The following LAMB1 variants were observed in gnomAD, a reference collection of about 807,000 sequenced individuals.
The protein encoded by LAMB1 is laminin subunit beta 1.
LAMB1 carries 121 observed loss-of-function variants against 222.3 expected under a neutral mutation model. That is an observed-to-expected ratio of 0.54 (90% confidence interval 0.47 to 0.63). The LOEUF (loss-of-function observed/expected upper bound fraction) is 0.63, where lower values mean the gene tolerates loss of function less well. LAMB1 is among the 30% of genes least tolerant of loss of function. The pLI, the probability that LAMB1 is intolerant of heterozygous loss-of-function variation, is 0.00. For missense variants in LAMB1, 2,172 were observed against 2,240.8 expected, an observed-to-expected ratio of 0.97 and a Z score of 0.62; for synonymous variants, 794 against 807.2, an observed-to-expected ratio of 0.98 and a Z score of 0.28.
At position 107,986,392 on chromosome 7, in the gene LAMB1, A is replaced by G. The variant is rs561282527; in HGVS notation, c.424-29T>C. The G allele has an allele frequency of 5.7e-5, 88 of 1,545,682 alleles. 1 individual carries two copies. The South Asian group carries it at 1.0e-3, about 18-fold the overall frequency. On this transcript the variant is annotated intron_variant, in intron 5 of 33. Transcript: ENST00000222399. Reference sequence around the variant, plus strand: ...AAGGCAGGAGCAAAAATCTCATTTGATGTTTTTTATTGGTAGTCTCTACTT... The same window carrying G: ...AAGGCAGGAGCAAAAATCTCATTTGGTGTTTTTTATTGGTAGTCTCTACTT...
rs955928154 is a variant in LAMB1, at chr7:107,966,638, T to C, written c.1563-1951A>G. Among the ~76,000 whole-genome samples, 16 of 152,200 alleles carry C rather than the reference T, an allele frequency of 1.1e-4. 1 individual carries two copies. Among genetic ancestry groups the C allele is most frequent in the Admixed American group, 2.0e-4 (3 of 15,278 alleles). ...TTTCAGAAATTCAGGCATCAGACAT[T>C]ACATCATATGGACAAAAGAAAATTC... On this transcript the variant is annotated intron_variant, in intron 13 of 33. Coordinates refer to ENST00000222399, the MANE Select transcript of LAMB1 (RefSeq NM_002291.3).
At chr7:107,936,837 A>T (rs2116342493) in intron 26 of LAMB1, among the ~76,000 whole-genome samples, 1 of 151,606 alleles carries the variant, frequency 6.6e-6, no homozygotes, top group Non-Finnish European at 1.5e-5. Context: ...AAAAAAAATC[A>T]GGAAATGGAT....
chr7:107,999,760 TTGC>T lies in LAMB1; in HGVS notation c.214-1271_214-1269del, dbSNP rs1467990068. The T allele has an allele frequency of 2.9e-5, 4 of 138,076 alleles. No individual in the cohort carries two copies. The South Asian group carries it at 9.8e-4, about 34-fold the overall frequency. 8.6% of individuals were successfully genotyped at this position (138,076 alleles called of 1,614,324 possible). A position where few individuals can be genotyped will look rare whatever the true frequency, so the allele number is the denominator to read the frequency against. Reference sequence around the variant, plus strand: ...TATATACCAGAGAGCCTGGCTCCAGTTGCTTTTTTTTTTTTTTTTTTTTAAGGG... The same window carrying T: ...TATATACCAGAGAGCCTGGCTCCAGTTTTTTTTTTTTTTTTTTTTTAAGGG... On this transcript the variant is annotated intron_variant, in intron 3 of 33. Transcript: ENST00000222399.
Position 107,975,782 on chromosome 7 carries a change from G to A in LAMB1, c.1096C>T (p.Gln366Ter). 1 of 1,614,030 alleles carries A rather than the reference G, an allele frequency of 6.2e-7. No homozygotes were observed. Among genetic ancestry groups the A allele is most frequent in the Non-Finnish European group, 8.5e-7 (1 of 1,180,000 alleles). ...NVSGGVCDDC[Q>*]HNTMGRNCEQ... ...CAGTTGCGCCCCATGGTGTTGTGCTGACAGTCATCACACACGCCTCCGCTG... is the reference window on the plus strand; with the variant it reads ...CAGTTGCGCCCCATGGTGTTGTGCTAACAGTCATCACACACGCCTCCGCTG... Residue 366 changes from glutamine (Q) to a stop codon, truncating the protein, a stop_gained, in exon 10 of 34, where the codon CAG becomes TAG. Transcript: ENST00000222399. LOFTEE classifies it high-confidence loss of function.
intron 24 of LAMB1, among the ~76,000 whole-genome samples, chr7:107,945,556 A>G (rs2033097157): frequency 6.6e-6 from 1 of 152,218 alleles, no homozygotes; most frequent in Non-Finnish European, 1.5e-5. Context: ...AGCTTGGATG[A>G]TAATTTCCTC....
intron 25 of LAMB1, among the ~76,000 whole-genome samples, chr7:107,938,560 A>G (rs2032904654): frequency 6.6e-6 from 1 of 152,190 alleles, no homozygotes; most frequent in African/African-American, 2.4e-5. Flanking sequence ...GTCTAGTTAA[A>G]TGAATAGTGA....
intron 4 of LAMB1, among the ~76,000 whole-genome samples, chr7:107,995,332 C>G (rs2150453460): frequency 6.6e-6 from 1 of 152,344 alleles, no homozygotes; most frequent in Non-Finnish European, 1.5e-5. Context: ...AAGGGAGGGG[C>G]ACTTCCTGTG....
chr7:107,927,703 C>T (rs143243507), intron 31 of LAMB1, among the ~76,000 whole-genome samples: 3 of 152,036 alleles, frequency 2.0e-5, no homozygotes, highest in East Asian at 1.9e-4. Flanking sequence ...ACCTAGAGAT[C>T]GAAACATCAA....
rs1324312104 is a variant in LAMB1 at position 107,952,091 on chromosome 7, T to C, written c.3212A>G (p.Asn1071Ser). The C allele has an allele frequency of 1.2e-6, 2 of 1,614,142 alleles. No individual in the cohort carries two copies. Among genetic ancestry groups the C allele is most frequent in the Admixed American group, 3.3e-5 (2 of 60,024 alleles). ...IGQNCDRCAP[N>S]TWQLASGTGC... ...AGTGCCACTGGCCAGCTGCCAGGTATTGGGCGCACAGCGGTCACAGTTCTG... is the reference window on the plus strand; with the variant it reads ...AGTGCCACTGGCCAGCTGCCAGGTACTGGGCGCACAGCGGTCACAGTTCTG... The change falls in exon 23 of 34, where the codon AAT becomes AGT. Residue 1071 changes from asparagine to serine, a missense_variant. Transcript: ENST00000222399.
Position 107,945,098 on chromosome 7 carries a change from G to A in LAMB1, c.3392-4740C>T, listed in dbSNP as rs1023900381. Among the ~76,000 whole-genome samples the A allele has an allele frequency of 1.2e-4, 19 of 152,306 alleles. No homozygotes were observed. In the East Asian group the frequency reaches 3.7e-3, roughly 29 times the overall value. ...AGATGAAGAATAGTATTTTTTAAATGAGATACTCATTTTAACAAGCCATAA... is the reference window on the plus strand; with the variant it reads ...AGATGAAGAATAGTATTTTTTAAATAAGATACTCATTTTAACAAGCCATAA... On this transcript the variant is annotated intron_variant, in intron 24 of 33. Transcript: ENST00000222399.
In LAMB1 at chr7:108,001,700, G is replaced by A; in HGVS notation, c.71C>T (p.Pro24Leu). The A allele has an allele frequency of 6.2e-7, 1 of 1,612,922 alleles. No homozygotes were observed. ...TTCTGCGCAGCCGTAGCTGAACTCG[G>A]GTTCCTGAGCGCGCACTCGGGCTCT... ...LCRARVRAQE[P>L]EFSYGCAEGS... is the part of the protein sequence containing the mutation. The change falls in exon 3 of 34, where the codon CCC (proline) becomes CTC (leucine). Residue 24 changes from proline to leucine, a missense_variant. Coordinates refer to ENST00000222399, the MANE Select transcript of LAMB1 (RefSeq NM_002291.3).
Position 108,001,547 on chromosome 7 carries a change from T to C in LAMB1, c.213+11A>G. The C allele has an allele frequency of 6.3e-7, 1 of 1,586,218 alleles. No individual in the cohort carries two copies. Among genetic ancestry groups the C allele is most frequent in the Non-Finnish European group, 8.6e-7 (1 of 1,161,346 alleles). On this transcript the variant is annotated intron_variant, in intron 3 of 33. Transcript: ENST00000222399. ...GCTAGCAGAGCCTCGAACCCCGCTC[T>C]CAGCCCTCACCTGCAAGTGGCTGAC...
rs1198142249 is a variant in LAMB1, at chr7:107,931,355, C to T, written c.4537+1G>A. 7 of 1,599,094 alleles carry T rather than the reference C, an allele frequency of 4.4e-6. No individual in the cohort carries two copies. The highest frequency in any genetic ancestry group is 1.7e-5 in the Admixed American group (1 of 58,542). Reference sequence around the variant, plus strand: ...AAAAGTAAAATGAAAAAATTTCTTACGGGTCAAAAAGTTTCTGATTTGCTT... The same window carrying T: ...AAAAGTAAAATGAAAAAATTTCTTATGGGTCAAAAAGTTTCTGATTTGCTT... On this transcript the variant is annotated splice_donor_variant, in intron 29 of 33. Transcript: ENST00000222399. LOFTEE classifies it high-confidence loss of function.
intron 28 of LAMB1, chr7:107,931,788 G>A: frequency 2.1e-6 from 1 of 475,188 alleles, no homozygotes; most frequent in Non-Finnish European, 3.7e-6. Flanking sequence ...TTTCTCAGGT[G>A]CCCACATAAA....
intron 31 of LAMB1, among the ~76,000 whole-genome samples, chr7:107,928,479 G>C (rs2032620910): frequency 6.6e-6 from 1 of 150,868 alleles, no homozygotes; most frequent in Admixed American, 6.6e-5. Context: ...AGTATATGCT[G>C]TTTCCTCAAT....
At chr7:107,980,210 G>GA (rs772170683) in intron 8 of LAMB1, among the ~76,000 whole-genome samples, 1,949 of 130,596 alleles carry the variant, frequency 0.015, 21 homozygotes, top group African/African-American at 0.036. Flanking sequence ...TCTGTCTCAA[G>GA]AAAAAAAAAA....
At position 107,924,253 on chromosome 7, in the gene LAMB1, T is replaced by G. The variant is rs745989012; in HGVS notation, c.5201A>C (p.Asn1734Thr). ...ACCTTTGAGCAGTTGCAGCTTGCTA[T>G]TTGCTTGAGCTAAAAGAGTTTTTGC... ...NEAKTLLAQA[N>T]SKLQLLKDLE... Residue 1734 changes from asparagine (N) to threonine (T), a missense_variant, in exon 33 of 34, where the codon AAT (asparagine) becomes ACT (threonine). Physicochemically the swap from Asn to Thr is moderately conservative, Grantham distance 65 (BLOSUM62 0). Coordinates refer to ENST00000222399, the MANE Select transcript of LAMB1 (RefSeq NM_002291.3). The G allele has an allele frequency of 4.6e-5, 74 of 1,611,542 alleles. No individual in the cohort carries two copies. In the South Asian group the frequency reaches 8.0e-4, roughly 17 times the overall value.
Position 107,987,450 on chromosome 7 carries a change from A to G in LAMB1, c.424-1087T>C, listed in dbSNP as rs569672661. Among the ~76,000 whole-genome samples the G allele has an allele frequency of 3.3e-5, 5 of 152,236 alleles. No individual in the cohort carries two copies. In the South Asian group the frequency reaches 1.0e-3, roughly 32 times the overall value. On this transcript the variant is annotated intron_variant, in intron 5 of 33. Transcript: ENST00000222399. ...AAATGGTAAACTTTCTGTTATGGATATTTTACTGCCAAGAAAAAAAAAGCT... is the reference window on the plus strand; with the variant it reads ...AAATGGTAAACTTTCTGTTATGGATGTTTTACTGCCAAGAAAAAAAAAGCT...
At chr7:107,932,643 C>T (rs1435293462) in intron 27 of LAMB1, 3 of 500,212 alleles carry the variant, frequency 6.0e-6, no homozygotes, top group African/African-American at 1.9e-5. Flanking sequence ...GAGCTCTGCC[C>T]AGGATGCAAA....
Sources: allele counts gnomAD v4.1 joint callset (sites outside exome capture counted in the v4.1 genomes callset), GRCh38; gene constraint gnomAD v4.1.1; transcripts MANE v1.5; gene names NCBI Gene and HGNC (gene_info 2026-07-23, HGNC 2026-07-21).